The following CAPN14 variants were observed in gnomAD, a reference collection of about 807,000 sequenced individuals.
CAPN14 encodes calpain-14.
In CAPN14, 94 loss-of-function variants were observed where a neutral mutation model predicts 101.3. That is an observed-to-expected ratio of 0.93 (90% CI 0.79 to 1.10). CAPN14 has a LOEUF of 1.10. Ranked by LOEUF, CAPN14 falls within the 50% of genes least tolerant of loss-of-function variation. The pLI, the probability that CAPN14 is intolerant of heterozygous loss-of-function variation, is 0.00. For synonymous variants in CAPN14, 338 were observed against 317.9 expected (o/e 1.06, Z -0.67); for missense variants, 837 against 828.4 (o/e 1.01, Z -0.13).
chr2:31,192,185 G>A (rs1165679587), intron 10 of CAPN14, 87 bp from the exon 11 acceptor site: 3 of 1,398,450 alleles, frequency 2.1e-6, no homozygotes, highest in East Asian at 2.6e-5. Context: ...ACAGTCTGAG[G>A]ACGCCTCTGC....
chr2:31,197,788 G>A (rs1330664155), intron 7 of CAPN14, among the ~76,000 whole-genome samples: 3 of 152,158 alleles, frequency 2.0e-5, no homozygotes, highest in Non-Finnish European at 4.4e-5. Flanking sequence ...ACGTGAAGAT[G>A]GAGGCAGAGA....
chr2:31,191,907 T>A (rs190482687), intron 11 of CAPN14, 28 bp downstream of exon 11: 1 of 1,520,244 alleles, frequency 6.6e-7, no homozygotes, highest in East Asian at 2.5e-5. Flanking sequence ...CTTGGTCCCA[T>A]GCCCCTGTGG....
chr2:31,188,236 A>C, intron 14 of CAPN14, 82 bp downstream of exon 14: 1 of 1,217,556 alleles, frequency 8.2e-7, no homozygotes. Flanking sequence ...TCCTCCCCTG[A>C]CTCCTTAACT....
At chr2:31,229,612 G>A (rs1683126446) in intron 1 of CAPN14, among the ~76,000 whole-genome samples, 1 of 145,442 alleles carries the variant, frequency 6.9e-6, no homozygotes, top group African/African-American at 2.6e-5. Flanking sequence ...CCAGGAAGTA[G>A]AGGTTGCAGT....
At chr2:31,191,821 C>A in intron 11 of CAPN14, 114 bp downstream of exon 11, 1 of 1,076,996 alleles carries the variant, frequency 9.3e-7, no homozygotes, top group Non-Finnish European at 1.3e-6. Flanking sequence ...ATTTGAAAAC[C>A]CAGGTCTGTG....
At chr2:31,202,292 G>C (rs1015180790) in intron 3 of CAPN14, 40 bp from the exon 4 acceptor site, 3 of 1,484,772 alleles carry the variant, frequency 2.0e-6, no homozygotes, top group African/African-American at 1.4e-5. Flanking sequence ...GAATCTACTG[G>C]GGACTTTATG....
chr2:31,230,591 T>A lies in CAPN14; in HGVS notation c.-177+3200A>T, dbSNP rs1458148220. Among the ~76,000 whole-genome samples the A allele has an allele frequency of 6.6e-6, 1 of 152,250 alleles. No homozygotes were observed. Among genetic ancestry groups the A allele is most frequent in the Admixed American group, 6.5e-5 (1 of 15,286 alleles). On this transcript the variant is annotated intron_variant and NMD_transcript_variant, in intron 1 of 21. Transcript: ENST00000398824. This position sits in a 1 kb window ranked among gnomAD's most constrained non-coding sequence, Gnocchi z 4.3. ...TTAGTGTGGTTTGGCATTTCTCTAA[T>A]TACTAATGAGATGCAACATGTTTTC...
chr2:31,220,566 T>G (rs1682832376), upstream of CAPN14, among the ~76,000 whole-genome samples: 1 of 152,212 alleles, frequency 6.6e-6, no homozygotes, highest in African/African-American at 2.4e-5. Context: ...GGCTCACGCC[T>G]GTAATCCCAA....
At chr2:31,228,050 C>G (rs777685046) in intron 1 of CAPN14, among the ~76,000 whole-genome samples, 4 of 152,160 alleles carry the variant, frequency 2.6e-5, no homozygotes, top group Non-Finnish European at 5.9e-5. Flanking sequence ...TGCAAAGGAG[C>G]CCGCGTGGTG....
intron 1 of CAPN14, among the ~76,000 whole-genome samples, chr2:31,213,647 T>C (rs1682506562): frequency 6.6e-6 from 1 of 152,202 alleles, no homozygotes; most frequent in Non-Finnish European, 1.5e-5. Context: ...ATGAAACAAT[T>C]TTATCTCTAA....
In CAPN14 at chr2:31,212,327, A is replaced by C. The variant is rs200892916; in HGVS notation, c.-53+5129T>G. ...CGTCTCAAAACAAAAAAAAAAAAAA[A>C]CAAAAAAAACACAATGTGGTACATG... On this transcript the variant is annotated intron_variant, in intron 1 of 21. Transcript: ENST00000403897. 2.8e-3 allele frequency among the ~76,000 whole-genome samples: 406 copies of C among 146,882 alleles called. 2 individuals are homozygous for C. The highest frequency in any genetic ancestry group is 9.5e-3 in the African/African-American group (376 of 39,594).
rs1422112554 is a variant in CAPN14 at position 31,191,988 on chromosome 2, G to A, written c.1225C>T (p.His409Tyr). 1 of 1,551,662 alleles carries A rather than the reference G, an allele frequency of 6.4e-7. No individual in the cohort carries two copies. ...VLVSLLQKPR[H>Y]RCRKRKPLLA... is the part of the protein sequence containing the mutation. ...AGAGGCTTCCGCTTGCGGCACCTGT[G>A]CCTGGGCTTCTGGAGCAGGGACACC... is the stretch of plus-strand genomic sequence containing the variant. Residue 409 changes from histidine to tyrosine, a missense_variant, in exon 11 of 22, where the codon CAC becomes TAC. Coordinates refer to ENST00000403897, the MANE Select transcript of CAPN14 (RefSeq NM_001145122.2).
intron 1 of CAPN14, among the ~76,000 whole-genome samples, chr2:31,208,318 C>T (rs1682210586): frequency 6.6e-6 from 1 of 152,174 alleles, no homozygotes; most frequent in Non-Finnish European, 1.5e-5. Flanking sequence ...GCAAGGTCTC[C>T]CTTTTTGCCC....
chr2:31,177,882 C>G, intron 18 of CAPN14, 61 bp from the exon 19 acceptor site: 2 of 1,208,838 alleles, frequency 1.7e-6, no homozygotes, highest in Non-Finnish European at 2.4e-6. Context: ...ATCTGAGAGC[C>G]CTGTGTGCCC....
Position 31,186,485 on chromosome 2 carries a change from G to A in CAPN14, c.1588C>T (p.His530Tyr), listed in dbSNP as rs771820770. The A allele has an allele frequency of 6.5e-7, 1 of 1,546,574 alleles. No homozygotes were observed. Among genetic ancestry groups the A allele is most frequent in the Non-Finnish European group, 8.7e-7 (1 of 1,144,916 alleles). The change falls in exon 16 of 22, where the codon CAT (histidine) becomes TAT (tyrosine). Residue 530 changes from histidine to tyrosine, a missense_variant and splice_region_variant. Physicochemically the swap from His to Tyr is moderately conservative, Grantham distance 83. Coordinates refer to ENST00000403897, the MANE Select transcript of CAPN14 (RefSeq NM_001145122.2). Reference sequence around the variant, plus strand: ...AGTTGAACTGCATTAATCTCTGGATGCTAAATAGAAAGCAGATTGGCAAGA... The same window carrying A: ...AGTTGAACTGCATTAATCTCTGGATACTAAATAGAAAGCAGATTGGCAAGA... ...DEFFTKFFEK[H>Y]PEINAVQLQN... is the part of the protein sequence containing the mutation.
chr2:31,194,016 G>A (rs1176087490), intron 9 of CAPN14, among the ~76,000 whole-genome samples: 13 of 152,150 alleles, frequency 8.5e-5, no homozygotes, highest in Admixed American at 8.5e-4. Context: ...GGGTGGCAGT[G>A]TTACTCTGCT....
chr2:31,210,711 A>G (rs1347985458), intron 1 of CAPN14, among the ~76,000 whole-genome samples: 1 of 152,130 alleles, frequency 6.6e-6, no homozygotes, highest in African/African-American at 2.4e-5. Context: ...ACTTTTAGAG[A>G]AAATTTTCTA....
chr2:31,194,058 G>A (rs1369783073), intron 9 of CAPN14, among the ~76,000 whole-genome samples: 1 of 152,168 alleles, frequency 6.6e-6, no homozygotes, highest in South Asian at 2.1e-4. Flanking sequence ...CCTATCCTAT[G>A]ACAAGACTTT....
intron 12 of CAPN14, among the ~76,000 whole-genome samples, chr2:31,189,998 A>G (rs891173310): frequency 6.6e-6 from 1 of 152,194 alleles, no homozygotes; most frequent in Non-Finnish European, 1.5e-5. Context: ...ACAGCTACAC[A>G]CAGATAAGCT....
Sources: allele counts gnomAD v4.1 joint callset (sites outside exome capture counted in the v4.1 genomes callset), GRCh38; gene constraint gnomAD v4.1.1; non-coding constraint Gnocchi (gnomAD v3.1); transcripts MANE v1.5; gene names NCBI Gene and HGNC (gene_info 2026-07-23, HGNC 2026-07-21).